Variants in COL9A1 observed in about 807,000 individuals in gnomAD.
COL9A1 encodes the protein collagen alpha-1(IX) chain.
In COL9A1, 104 loss-of-function variants were observed where a neutral mutation model predicts 142.6. That is an observed-to-expected ratio of 0.73 (90% CI 0.62 to 0.86). The LOEUF (loss-of-function observed/expected upper bound fraction) is 0.86. Among genes scored for constraint, COL9A1 ranks in the 40% least tolerant of loss-of-function variants. The pLI is 0.00. For synonymous variants in COL9A1, 466 were observed against 396.0 expected, an observed-to-expected ratio of 1.18 and a Z score of -2.10; for missense variants, 1,210 against 1,176.6, an observed-to-expected ratio of 1.03 and a Z score of -0.42.
chr6:70,253,469 T>A, intron 25 of COL9A1, 40 bp from the exon 26 acceptor site: 1 of 1,459,622 alleles, frequency 6.9e-7, no homozygotes, highest in Non-Finnish European at 9.6e-7. Flanking sequence ...AATCACCTCC[T>A]CTGAGAATCC....
chr6:70,266,887 T>A lies in COL9A1; in HGVS notation c.1288-117A>T, dbSNP rs3818575. 16 of 846,952 alleles carry A rather than the reference T, an allele frequency of 1.9e-5. No homozygotes were observed. In the East Asian group the frequency reaches 3.4e-4, roughly 18 times the overall value. 52.5% of individuals were successfully genotyped at this position (846,952 alleles called of 1,614,324 possible). ...CAATGTATTACTAAGAAATGAGTTA[T>A]GTCACAAAGAAAATTAATGCCTTAA... On this transcript the variant is annotated intron_variant, in intron 17 of 37. Coordinates refer to ENST00000357250, the MANE Select transcript of COL9A1 (RefSeq NM_001851.6).
Position 70,280,987 on chromosome 6 carries a change from T to A in COL9A1, c.912+17A>T. ...TAAAGGAAGGAAGTGGAGCGCCATA[T>A]GCTCCAATCAACTTACCGGGGGGCC... On this transcript the variant is annotated intron_variant, in intron 9 of 37. Transcript: ENST00000357250. 6.2e-7 allele frequency: 1 copy of A among 1,612,764 alleles called. No homozygotes were observed.
chr6:70,251,115 T>C (rs1168071856), intron 28 of COL9A1, among the ~76,000 whole-genome samples: 1 of 152,192 alleles, frequency 6.6e-6, no homozygotes, highest in Non-Finnish European at 1.5e-5. Context: ...ATCAATAAAA[T>C]GTGATATAGC....
chr6:70,288,247 T>G (rs1773529375), intron 5 of COL9A1, among the ~76,000 whole-genome samples: 1 of 152,174 alleles, frequency 6.6e-6, no homozygotes, highest in Admixed American at 6.5e-5. Flanking sequence ...TTGATTCCTC[T>G]TTTTCTCTCA....
At chr6:70,219,211 C>A (rs487928) in intron 37 of COL9A1, among the ~76,000 whole-genome samples, 14,522 of 151,992 alleles carry the variant, frequency 0.096, 1,056 homozygotes, top group African/African-American at 0.2. Context: ...TAGGAATGTT[C>A]CCACTGAGAC....
intron 2 of COL9A1, among the ~76,000 whole-genome samples, chr6:70,300,632 C>T (rs533840163): frequency 6.8e-4 from 104 of 152,204 alleles, no homozygotes; most frequent in African/African-American, 2.3e-3. Flanking sequence ...AATCTGTCCA[C>T]CTGCAACTCA....
At chr6:70,298,421 T>C (rs1044034205) in intron 4 of COL9A1, among the ~76,000 whole-genome samples, 1 of 152,236 alleles carries the variant, frequency 6.6e-6, no homozygotes, top group African/African-American at 2.4e-5. Context: ...CTAACTTTCC[T>C]CCTTCTCTTT....
In COL9A1 at chr6:70,242,546, A is replaced by G. The variant is rs1230214343; in HGVS notation, c.1926+116T>C. The G allele has an allele frequency of 3.2e-6, 3 of 926,442 alleles. No individual in the cohort carries two copies. In the South Asian group the frequency reaches 4.1e-5, roughly 13 times the overall value. 57.4% of individuals were successfully genotyped at this position (926,442 alleles called of 1,614,324 possible). On this transcript the variant is annotated intron_variant, in intron 29 of 37. Coordinates refer to ENST00000357250, the MANE Select transcript of COL9A1 (RefSeq NM_001851.6). ...CCCTTTACATTGTTCTCATATTCAC[A>G]TAACAAGAGAAATCAAGTACAGGTA...
Position 70,279,354 on chromosome 6 carries a change from A to ATAGTT in COL9A1, c.975+1457_975+1458insAACTA, listed in dbSNP as rs1193566267. ...TTTGAGATTCAGTTTTTACTATCTAAATATTAGTCCTTAGGTGCCTCCTGT... is the reference window on the plus strand; with the variant it reads ...TTTGAGATTCAGTTTTTACTATCTAATAGTTATATTAGTCCTTAGGTGCCTCCTGT... On this transcript the variant is annotated intron_variant, in intron 10 of 37. Transcript: ENST00000357250. Among the ~76,000 whole-genome samples, 689 of 152,336 alleles carry ATAGTT rather than the reference A, an allele frequency of 4.5e-3. 2 individuals carry two copies. The highest frequency in any genetic ancestry group is 0.015 in the African/African-American group (631 of 41,566).
At chr6:70,295,620 A>T (rs888120291) in intron 4 of COL9A1, among the ~76,000 whole-genome samples, 1 of 152,044 alleles carries the variant, frequency 6.6e-6, no homozygotes, top group Non-Finnish European at 1.5e-5. Flanking sequence ...CTAAGTCTGT[A>T]TCATTGCTAA....
chr6:70,302,488 A>T (rs1017895549), intron 1 of COL9A1, among the ~76,000 whole-genome samples: 2 of 152,082 alleles, frequency 1.3e-5, no homozygotes, highest in Non-Finnish European at 2.9e-5. Context: ...GATTACAAGC[A>T]TAAGCCACCG....
chr6:70,296,308 T>C (rs759866048), intron 4 of COL9A1, among the ~76,000 whole-genome samples: 14 of 152,170 alleles, frequency 9.2e-5, no homozygotes, highest in Non-Finnish European at 1.5e-4. Flanking sequence ...AATTATTTTA[T>C]CCATACATCT....
chr6:70,241,033 C>G (rs1583236653), intron 31 of COL9A1, among the ~76,000 whole-genome samples: 2 of 152,084 alleles, frequency 1.3e-5, no homozygotes, highest in East Asian at 3.9e-4. Context: ...AAAAGGAACC[C>G]AGGGAAAGGA....
At chr6:70,294,594 A>G (rs746889747) in intron 4 of COL9A1, 31 bp from the exon 5 acceptor site, 3 of 1,603,592 alleles carry the variant, frequency 1.9e-6, no homozygotes, top group East Asian at 2.2e-5. Context: ...GTAAACATGC[A>G]TCTTGTTTCC....
intron 36 of COL9A1, among the ~76,000 whole-genome samples, chr6:70,231,715 TA>T (rs36054852): frequency 5.5e-4 from 79 of 144,358 alleles, no homozygotes; most frequent in Middle Eastern, 3.6e-3. Context: ...CCGCAGTACT[TA>T]AAAAAAAAAA....
Position 70,255,026 on chromosome 6 carries a change from C to T in COL9A1, c.1612-10G>A. The T allele has an allele frequency of 6.2e-7, 1 of 1,614,090 alleles. No individual in the cohort carries two copies. The highest frequency in any genetic ancestry group is 8.5e-7 in the Non-Finnish European group (1 of 1,179,970). On this transcript the variant is annotated splice_polypyrimidine_tract_variant and intron_variant, in intron 23 of 37. Transcript: ENST00000357250. ...CCACACCTGGCAAACCCTAAACACA[C>T]ACAAAGAAACATACTGTCTCTTACA...
chr6:70,280,818 G>T lies in COL9A1; in HGVS notation c.969C>A (p.Gly323=), dbSNP rs369670041. The T allele has an allele frequency of 1.9e-6, 3 of 1,612,336 alleles. No homozygotes were observed. The highest frequency in any genetic ancestry group is 2.5e-6 in the Non-Finnish European group (3 of 1,179,452). ...CCAGCACTCGCCTACTCACATCAGC[G>T]CCAGGTGTGCCAGGCTTGCCTGGAG... ...PGAPGKPGTP[G]ADGLTGPDGS... is the part of the protein sequence containing the mutation. The change falls in exon 10 of 38, where the codon GGC becomes GGA. Residue 323 remains glycine, a synonymous_variant. Transcript: ENST00000357250.
chr6:70,234,344 T>C (rs1355495619), intron 35 of COL9A1, among the ~76,000 whole-genome samples, 195 bp downstream of exon 35: 2 of 151,864 alleles, frequency 1.3e-5, no homozygotes, highest in East Asian at 3.8e-4. Flanking sequence ...ATATTTTACA[T>C]TGAGGCTACG....
intron 6 of COL9A1, 86 bp from the exon 7 acceptor site, chr6:70,283,004 C>G: frequency 1.2e-6 from 2 of 1,613,342 alleles, no homozygotes; most frequent in Non-Finnish European, 1.7e-6. Context: ...AAGCAGAGCC[C>G]CAACAGCAGC....
Sources: allele counts gnomAD v4.1 joint callset (sites outside exome capture counted in the v4.1 genomes callset), GRCh38; gene constraint gnomAD v4.1.1; transcripts MANE v1.5; gene names NCBI Gene and HGNC (gene_info 2026-07-23, HGNC 2026-07-21).